TEAD1: variants seen among roughly 807,000 people sequenced by gnomAD.
TEAD1 encodes the protein transcriptional enhancer factor TEF-1.
A neutral mutation model predicts 54.9 loss-of-function variants in TEAD1; 9 were observed. That is an observed-to-expected ratio of 0.16 (90% CI 0.10 to 0.29). The LOEUF is 0.29. Ranked by LOEUF, TEAD1 falls within the 10% of genes least tolerant of loss-of-function variation. TEAD1 has a pLI of 1.00. For missense variants in TEAD1, 387 were observed against 535.9 expected (o/e 0.72, Z 2.74); for synonymous variants, 200 against 187.8 (o/e 1.07, Z -0.53).
At chr11:12,826,224 A>G (rs1439934172) in intron 3 of TEAD1, among the ~76,000 whole-genome samples, 2 of 152,204 alleles carry the variant, frequency 1.3e-5, no homozygotes, top group African/African-American at 2.4e-5. Context: ...TTATTTAACT[A>G]TATTCTCTTG....
intron 2 of TEAD1, among the ~76,000 whole-genome samples, chr11:12,704,761 A>G (rs1206857182): frequency 6.6e-6 from 1 of 152,182 alleles, no homozygotes; most frequent in Non-Finnish European, 1.5e-5. Context: ...GCACAAGTCA[A>G]AGGATTGGGA....
chr11:12,854,405 AG>A (rs1947331650), intron 3 of TEAD1, among the ~76,000 whole-genome samples: 1 of 152,046 alleles, frequency 6.6e-6, no homozygotes, highest in Admixed American at 6.6e-5. Flanking sequence ...CTGGTAGTAG[AG>A]GGGTAGGCAC....
chr11:12,763,309 G>A (rs1945137331), intron 2 of TEAD1, among the ~76,000 whole-genome samples: 1 of 152,210 alleles, frequency 6.6e-6, no homozygotes. Context: ...ATGTGATCAG[G>A]AATTCAGCAT....
At chr11:12,787,187 T>C (rs963171389) in intron 3 of TEAD1, among the ~76,000 whole-genome samples, 1 of 152,058 alleles carries the variant, frequency 6.6e-6, no homozygotes, top group Non-Finnish European at 1.5e-5. Flanking sequence ...TCCTCAGGGG[T>C]GGGCCATGGG....
At position 12,764,272 on chromosome 11, in the gene TEAD1, G is replaced by A. The variant is rs750600287; in HGVS notation, c.40G>A (p.Glu14Lys). The A allele has an allele frequency of 8.7e-6, 14 of 1,614,012 alleles. No individual in the cohort carries two copies. The highest frequency in any genetic ancestry group is 1.6e-4 in the Middle Eastern group (1 of 6,072). The change falls in exon 3 of 13, where the codon GAA becomes AAA. Residue 14 changes from glutamate to lysine, a missense_variant. Coordinates refer to ENST00000527636, the MANE Select transcript of TEAD1 (RefSeq NM_021961.6). ...CTGGAGCGGCAGTGAGAGCCCTGCC[G>A]AAAACATGGAAAGGATGAGTGACTC... is the stretch of plus-strand genomic sequence containing the variant.
intron 3 of TEAD1, among the ~76,000 whole-genome samples, chr11:12,836,451 G>A (rs1041289710): frequency 1.3e-5 from 2 of 150,344 alleles, no homozygotes; most frequent in African/African-American, 4.9e-5. Flanking sequence ...TGCTTTTCCC[G>A]CGATGATGAA....
chr11:12,700,597 A>G (rs1943679145), intron 2 of TEAD1, among the ~76,000 whole-genome samples: 1 of 152,174 alleles, frequency 6.6e-6, no homozygotes, highest in Admixed American at 6.5e-5. Context: ...TGATCTTAGA[A>G]ACTTTTTTTT....
At chr11:12,703,309 A>G (rs909041583) in intron 2 of TEAD1, among the ~76,000 whole-genome samples, 4 of 152,142 alleles carry the variant, frequency 2.6e-5, no homozygotes, top group African/African-American at 7.2e-5. Context: ...CACTGACAAT[A>G]CATGTAACAT....
intron 10 of TEAD1, 71 bp downstream of exon 10, chr11:12,902,184 C>T: frequency 1.3e-6 from 2 of 1,589,544 alleles, no homozygotes; most frequent in Non-Finnish European, 1.7e-6. Flanking sequence ...GAGCACAGTG[C>T]AGCACAGCTG....
intron 3 of TEAD1, among the ~76,000 whole-genome samples, chr11:12,791,488 A>C (rs1211427792): frequency 6.6e-6 from 1 of 152,156 alleles, no homozygotes; most frequent in Non-Finnish European, 1.5e-5. Flanking sequence ...GGGCCTTGTC[A>C]GTTTCTGGGG....
At chr11:12,706,342 T>A (rs1411592954) in intron 2 of TEAD1, among the ~76,000 whole-genome samples, 1 of 152,350 alleles carries the variant, frequency 6.6e-6, no homozygotes, top group East Asian at 1.9e-4. Flanking sequence ...TGGGTTAGTT[T>A]AATTCAATGG....
At chr11:12,747,564 G>T (rs1288948672) in intron 2 of TEAD1, among the ~76,000 whole-genome samples, 2 of 152,148 alleles carry the variant, frequency 1.3e-5, no homozygotes, top group Non-Finnish European at 2.9e-5. Flanking sequence ...TTGAACTCCT[G>T]ACCTCAAGTG....
intron 9 of TEAD1, among the ~76,000 whole-genome samples, chr11:12,895,167 C>A (rs1948286286): frequency 6.6e-6 from 1 of 152,020 alleles, no homozygotes; most frequent in African/African-American, 2.4e-5. Context: ...ACCCATAGAG[C>A]AGCTTTGAAG....
intron 3 of TEAD1, among the ~76,000 whole-genome samples, chr11:12,850,189 A>G (rs1444657644): frequency 6.6e-6 from 1 of 152,192 alleles, no homozygotes; most frequent in African/African-American, 2.4e-5. Flanking sequence ...TAATCCCAGC[A>G]CTTTCGGAGG....
chr11:12,713,715 A>G (rs992803702), intron 2 of TEAD1, among the ~76,000 whole-genome samples: 11 of 152,224 alleles, frequency 7.2e-5, no homozygotes, highest in African/African-American at 2.4e-4. Flanking sequence ...CCAGAGGTAC[A>G]GTGATGCTAG....
At chr11:12,890,709 G>A (rs891427962) in intron 9 of TEAD1, among the ~76,000 whole-genome samples, 2 of 152,296 alleles carry the variant, frequency 1.3e-5, no homozygotes, top group South Asian at 2.1e-4. Context: ...TCAAGCTTGC[G>A]AGAATGTGCT....
intron 9 of TEAD1, among the ~76,000 whole-genome samples, chr11:12,888,671 C>G (rs562923065): frequency 6.6e-6 from 1 of 152,354 alleles, no homozygotes; most frequent in South Asian, 2.1e-4. Flanking sequence ...GACTTCCTCA[C>G]AACCCCACCA....
At chr11:12,830,820 A>G (rs80099673) in intron 3 of TEAD1, among the ~76,000 whole-genome samples, 262 of 152,322 alleles carry the variant, frequency 1.7e-3, no homozygotes, top group African/African-American at 5.9e-3. Context: ...TTAAAGGGAA[A>G]AACGAGCCAG....
At chr11:12,920,857 G>A (rs888264247) in intron 10 of TEAD1, among the ~76,000 whole-genome samples, 7 of 152,196 alleles carry the variant, frequency 4.6e-5, no homozygotes. Flanking sequence ...ATATTCATCA[G>A]TAGAGCGTGT....
Sources: allele counts gnomAD v4.1 joint callset (sites outside exome capture counted in the v4.1 genomes callset), GRCh38; gene constraint gnomAD v4.1.1; transcripts MANE v1.5; gene names NCBI Gene and HGNC (gene_info 2026-07-23, HGNC 2026-07-21).